The following ZNF365 variants were observed in gnomAD, a reference collection of about 807,000 sequenced individuals.
ZNF365 encodes zinc finger protein 365.
Under a neutral mutation model 35.0 loss-of-function variants are expected in ZNF365, and 22 were observed. The ratio of observed to expected loss-of-function variants is 0.63; its 90% CI spans 0.45 to 0.90. ZNF365 has a LOEUF of 0.90. ZNF365 is among the 40% of genes least tolerant of loss of function. The pLI is 0.00. For missense variants in ZNF365, 448 were observed against 500.3 expected (o/e 0.90, Z 1.00); for synonymous variants, 188 against 196.2 (o/e 0.96, Z 0.35).
At chr10:62,403,875 T>G (rs1461329881), downstream of ZNF365, among the ~76,000 whole-genome samples, 1 of 152,230 alleles carries the variant, frequency 6.6e-6, no homozygotes, top group East Asian at 1.9e-4. Context: ...CCTTCAGAAG[T>G]GAATTCCAGG....
chr10:62,465,294 G>A (rs1260918293), intron 4 of ZNF365, among the ~76,000 whole-genome samples: 3 of 152,230 alleles, frequency 2.0e-5, no homozygotes, highest in African/African-American at 7.2e-5. Context: ...GCACTGACAA[G>A]TGTGAGAGGG....
intron 4 of ZNF365, among the ~76,000 whole-genome samples, chr10:62,475,422 T>A (rs192615753): frequency 1.2e-3 from 175 of 152,168 alleles, no homozygotes; most frequent in Non-Finnish European, 3.7e-4. Context: ...GGAGACCCTG[T>A]CTCTAAATAA....
chr10:62,412,975 G>A (rs1420051284), intron 3 of ZNF365, among the ~76,000 whole-genome samples: 2 of 152,168 alleles, frequency 1.3e-5, no homozygotes, highest in Non-Finnish European at 2.9e-5. Flanking sequence ...CATGGACTTT[G>A]ACAGAGCAAG....
intron 3 of ZNF365, among the ~76,000 whole-genome samples, chr10:62,408,884 A>T (rs893057274): frequency 6.6e-6 from 1 of 152,104 alleles, no homozygotes; most frequent in Non-Finnish European, 1.5e-5. Context: ...TTAGCGTCCT[A>T]TGTTTTTATT....
intron 2 of ZNF365, among the ~76,000 whole-genome samples, chr10:62,381,213 G>C (rs1179629638): frequency 6.6e-6 from 1 of 152,222 alleles, no homozygotes; most frequent in Non-Finnish European, 1.5e-5. Flanking sequence ...GGCCAGAAGA[G>C]AGTGACCTTG....
intron 4 of ZNF365, among the ~76,000 whole-genome samples, chr10:62,466,880 T>A (rs1840952576): frequency 6.6e-6 from 1 of 152,100 alleles, no homozygotes; most frequent in Admixed American, 6.6e-5. Context: ...CGGCTCACTA[T>A]AACTTTGACC....
At chr10:62,436,141 A>ATG (rs1356231629) in intron 3 of ZNF365, among the ~76,000 whole-genome samples, 2 of 152,192 alleles carry the variant, frequency 1.3e-5, no homozygotes, top group East Asian at 3.8e-4. Context: ...TTATATATAT[A>ATG]TAAAGGAGCC....
intron 3 of ZNF365, among the ~76,000 whole-genome samples, chr10:62,433,207 G>A (rs1473774667): frequency 2.0e-4 from 30 of 152,184 alleles, no homozygotes; most frequent in Admixed American, 2.0e-3. Flanking sequence ...TAGAAGTAAT[G>A]AGTTACTAAA....
chr10:62,474,356 G>A (rs1841093415), intron 4 of ZNF365, among the ~76,000 whole-genome samples: 1 of 152,168 alleles, frequency 6.6e-6, no homozygotes, highest in Non-Finnish European at 1.5e-5. Flanking sequence ...TGGAGTTGCT[G>A]AAATTTAAGT....
At chr10:62,395,060 G>T (rs1839700142) in intron 3 of ZNF365, among the ~76,000 whole-genome samples, 2 of 152,156 alleles carry the variant, frequency 1.3e-5, no homozygotes, top group Non-Finnish European at 2.9e-5. Flanking sequence ...GCAGTGCACT[G>T]GGGCAAGAAG....
chr10:62,401,377 A>C lies in ZNF365; in HGVS notation c.*1588A>C. 1.2e-5 allele frequency: 12 copies of C among 985,554 alleles called. No individual in the cohort carries two copies. Among genetic ancestry groups the C allele is most frequent in the Non-Finnish European group, 1.4e-5 (12 of 829,924 alleles). The allele number at this position is 985,554 out of a possible 1,614,324, so 61.1% of individuals were successfully genotyped here. On this transcript the variant is annotated 3_prime_UTR_variant, in exon 5 of 5. Transcript: ENST00000395254. ...GCGCATTAAAAATAGGAAATAAAGCAGTTGCTTAAAATGCCAGTCAATTGA... is the reference window on the plus strand; with the variant it reads ...GCGCATTAAAAATAGGAAATAAAGCCGTTGCTTAAAATGCCAGTCAATTGA...
intron 3 of ZNF365, among the ~76,000 whole-genome samples, chr10:62,424,392 A>G (rs1303842035): frequency 6.6e-6 from 1 of 152,206 alleles, no homozygotes; most frequent in African/African-American, 2.4e-5. Context: ...TCAGGAATCT[A>G]TTATAAGCAA....
chr10:62,413,660 G>T (rs1335302974), intron 3 of ZNF365, among the ~76,000 whole-genome samples: 1 of 152,108 alleles, frequency 6.6e-6, no homozygotes, highest in Admixed American at 6.6e-5. Context: ...GCATCACTTG[G>T]AAGTTTGTTA....
chr10:62,475,107 T>C (rs1170426292), intron 4 of ZNF365, among the ~76,000 whole-genome samples: 2 of 152,206 alleles, frequency 1.3e-5, no homozygotes, highest in Non-Finnish European at 2.9e-5. Context: ...TGGCAAGACA[T>C]GGCCTTTCTT....
At chr10:62,459,080 C>G (rs1840805767) in intron 3 of ZNF365, among the ~76,000 whole-genome samples, 1 of 152,182 alleles carries the variant, frequency 6.6e-6, no homozygotes, top group South Asian at 2.1e-4. Flanking sequence ...ACTATGTATA[C>G]ATTTACTGTA....
chr10:62,468,346 A>G (rs1840978684), intron 4 of ZNF365, among the ~76,000 whole-genome samples: 1 of 152,218 alleles, frequency 6.6e-6, no homozygotes, highest in Non-Finnish European at 1.5e-5. Flanking sequence ...CAAAATGTTC[A>G]TGGAAGATGC....
chr10:62,459,071 C>T (rs1840805537), intron 3 of ZNF365, among the ~76,000 whole-genome samples: 1 of 152,180 alleles, frequency 6.6e-6, no homozygotes. Flanking sequence ...ACTGTTAGTA[C>T]TATGTATACA....
At chr10:62,465,868 A>T (rs1487524905) in intron 4 of ZNF365, among the ~76,000 whole-genome samples, 1 of 152,190 alleles carries the variant, frequency 6.6e-6, no homozygotes, top group African/African-American at 2.4e-5. Flanking sequence ...GAAGTGAAGC[A>T]TCGCAACCCT....
chr10:62,430,141 C>G (rs1840311254), intron 3 of ZNF365, among the ~76,000 whole-genome samples: 1 of 151,708 alleles, frequency 6.6e-6, no homozygotes, highest in Non-Finnish European at 1.5e-5. Context: ...CTAAATCTAA[C>G]TCTTTGGTTA....
Sources: allele counts gnomAD v4.1 joint callset (sites outside exome capture counted in the v4.1 genomes callset), GRCh38; gene constraint gnomAD v4.1.1; transcripts MANE v1.5; gene names NCBI Gene and HGNC (gene_info 2026-07-23, HGNC 2026-07-21).